The following SLC29A1 variants were observed in gnomAD, a reference collection of about 807,000 sequenced individuals.
SLC29A1 encodes the protein solute carrier family 29 member 1 (Augustine blood group), also known as equilibrative nucleoside transporter 1.
In SLC29A1, 22 loss-of-function variants were observed where a neutral mutation model predicts 48.3. The observed-to-expected ratio is 0.46, with a 90% CI of 0.33 to 0.65. The LOEUF (loss-of-function observed/expected upper bound fraction) is 0.65. Ranked by LOEUF, SLC29A1 falls within the 30% of genes least tolerant of loss-of-function variation. The pLI is 0.03. For synonymous variants in SLC29A1, 228 were observed against 231.0 expected (o/e 0.99, Z 0.12); for missense variants, 491 against 575.3 (o/e 0.85, Z 1.50).
At chr6:44,225,235 G>A (rs1381854126) in intron 1 of SLC29A1, among the ~76,000 whole-genome samples, 1 of 152,122 alleles carries the variant, frequency 6.6e-6, no homozygotes, top group East Asian at 1.9e-4. Flanking sequence ...GCAGGGCTCA[G>A]TGGCTCATGC....
At chr6:44,231,244 G>C in intron 8 of SLC29A1, 120 bp from the exon 9 acceptor site, 4 of 707,112 alleles carry the variant, frequency 5.7e-6, no homozygotes, top group Non-Finnish European at 1.0e-5. Flanking sequence ...GTTAGAGTAC[G>C]GCTGGGACTG....
In SLC29A1 at chr6:44,233,747, G is replaced by A; in HGVS notation, c.*219G>A. 1.7e-6 allele frequency: 1 copy of A among 573,162 alleles called. No individual in the cohort carries two copies. Among genetic ancestry groups the A allele is most frequent in the Non-Finnish European group, 3.1e-6 (1 of 320,356 alleles). The allele number at this position is 573,162 out of a possible 1,614,324, so 35.5% of individuals were successfully genotyped here. On this transcript the variant is annotated 3_prime_UTR_variant, in exon 13 of 13. Coordinates refer to ENST00000371755, the MANE Select transcript of SLC29A1 (RefSeq NM_001372327.1). ...TTGGGGCTCAGAGTCGAGGGACGGGGTGTAGCCTCGGCATTTGCTTGAGTT... is the reference window on the plus strand; with the variant it reads ...TTGGGGCTCAGAGTCGAGGGACGGGATGTAGCCTCGGCATTTGCTTGAGTT...
At chr6:44,227,025 C>G in intron 1 of SLC29A1, 1 of 1,278,624 alleles carries the variant, frequency 7.8e-7, no homozygotes, top group Non-Finnish European at 9.9e-7. Context: ...TGGCAGCGGC[C>G]AGGCCGGGAG....
Position 44,230,329 on chromosome 6 carries a change from C to T in SLC29A1, c.455-18C>T. 6.2e-7 allele frequency: 1 copy of T among 1,606,312 alleles called. No homozygotes were observed. The highest frequency in any genetic ancestry group is 8.5e-7 in the Non-Finnish European group (1 of 1,174,618). ...ACCAGCCCTAGCTCCCCTGCTCATG[C>T]CCGCCCTGTTTCCCCAGCATTTGGT... On this transcript the variant is annotated intron_variant, in intron 5 of 12. Transcript: ENST00000371755.
intron 1 of SLC29A1, chr6:44,226,683 G>T: frequency 2.1e-6 from 2 of 949,834 alleles, no homozygotes; most frequent in Non-Finnish European, 2.5e-6. Context: ...GAATCCAGGG[G>T]CTCCCCAGGG....
rs1031751074 is a variant in SLC29A1, at chr6:44,233,840, A to C, written c.*312A>C. 7 of 393,086 alleles carry C rather than the reference A, an allele frequency of 1.8e-5. No homozygotes were observed. The highest frequency in any genetic ancestry group is 4.0e-5 in the Admixed American group (1 of 24,696). 24.3% of individuals were successfully genotyped at this position (393,086 alleles called of 1,614,324 possible). On this transcript the variant is annotated 3_prime_UTR_variant, in exon 13 of 13. Transcript: ENST00000371755. ...GTGGAGGCTCTTGGGCTTGGAGAAC[A>C]CGTGTGTCTCTGTGTATGTGTCTGT... is the stretch of plus-strand genomic sequence containing the variant.
Position 44,232,731 on chromosome 6 carries a change from C to T in SLC29A1, c.1060-76C>T, listed in dbSNP as rs1413643861. On this transcript the variant is annotated intron_variant, in intron 11 of 12. Coordinates refer to ENST00000371755, the MANE Select transcript of SLC29A1 (RefSeq NM_001372327.1). The surrounding 1 kb of genome is among the most constrained non-coding windows in gnomAD (Gnocchi z 4.7). Reference sequence around the variant, plus strand: ...AGGTTTCAGTTCAGATCCTGAGGGGCCCCAGATGGATCCTTGGGGGCCTGG... The same window carrying T: ...AGGTTTCAGTTCAGATCCTGAGGGGTCCCAGATGGATCCTTGGGGGCCTGG... 1 of 1,438,288 alleles carries T rather than the reference C, an allele frequency of 7.0e-7. No individual in the cohort carries two copies. The highest frequency in any genetic ancestry group is 1.8e-5 in the Admixed American group (1 of 56,166). The allele number at this position is 1,438,288 out of a possible 1,614,324, so 89.1% of individuals were successfully genotyped here.
chr6:44,221,889 G>A (rs897215497), upstream of SLC29A1, among the ~76,000 whole-genome samples: 2 of 152,186 alleles, frequency 1.3e-5, no homozygotes, highest in African/African-American at 2.4e-5. The surrounding 1 kb of genome is among the most constrained non-coding windows in gnomAD (Gnocchi z 4.2). Context: ...AGAGGAACCA[G>A]CCTTTCCCAG....
chr6:44,232,628 T>G lies in SLC29A1; in HGVS notation c.1060-179T>G. The stretch of plus-strand genomic sequence containing the variant: ...ATACACATACCTGCCCAGATCGAGA[T>G]GTAGAATATTTCCAGCACTCCAGAA... On this transcript the variant is annotated intron_variant, in intron 11 of 12. Transcript: ENST00000371755. This position sits in a 1 kb window ranked among gnomAD's most constrained non-coding sequence, Gnocchi z 4.7. 2 of 653,124 alleles carry G rather than the reference T, an allele frequency of 3.1e-6. No homozygotes were observed. Among genetic ancestry groups the G allele is most frequent in the Admixed American group, 5.5e-5 (2 of 36,056 alleles). 40.5% of individuals were successfully genotyped at this position (653,124 alleles called of 1,614,324 possible).
chr6:44,233,969 C>T lies in SLC29A1; in HGVS notation c.*441C>T, dbSNP rs78098903. 4.2e-4 allele frequency: 73 copies of T among 173,816 alleles called. No individual in the cohort carries two copies. In the East Asian group the frequency reaches 0.012, roughly 28 times the overall value. The allele number at this position is 173,816 out of a possible 1,614,324, so 10.8% of individuals were successfully genotyped here. A position where few individuals can be genotyped will look rare whatever the true frequency, so the allele number is the denominator to read the frequency against. On this transcript the variant is annotated 3_prime_UTR_variant, in exon 13 of 13. Coordinates refer to ENST00000371755, the MANE Select transcript of SLC29A1 (RefSeq NM_001372327.1). The stretch of plus-strand genomic sequence containing the variant: ...ACCTGATATACTCCATTCTCCCCTG[C>T]GCCTCCTCCTCTGTGTTCTCTCCAT...
chr6:44,225,994 T>A (rs995409768), intron 1 of SLC29A1: 1 of 533,144 alleles, frequency 1.9e-6, no homozygotes, highest in Non-Finnish European at 2.4e-6. Flanking sequence ...TGGGGCCCCA[T>A]GAAGCCTGAG....
At chr6:44,221,918 C>T (rs1776476588), upstream of SLC29A1, among the ~76,000 whole-genome samples, 2 of 152,208 alleles carry the variant, frequency 1.3e-5, no homozygotes, top group South Asian at 4.1e-4. This position sits in a 1 kb window ranked among gnomAD's most constrained non-coding sequence, Gnocchi z 4.2. Flanking sequence ...GAGACCCTCA[C>T]CACTTCCCTC....
chr6:44,232,530 T>C lies in SLC29A1; in HGVS notation c.1059+102T>C. ...AGTATGGTAGTAAGGGGACCATTTGTTTTAAAGTCGAGGCATAATTTATGT... is the reference window on the plus strand; with the variant it reads ...AGTATGGTAGTAAGGGGACCATTTGCTTTAAAGTCGAGGCATAATTTATGT... On this transcript the variant is annotated intron_variant, in intron 11 of 12. Coordinates refer to ENST00000371755, the MANE Select transcript of SLC29A1 (RefSeq NM_001372327.1). This position sits in a 1 kb window ranked among gnomAD's most constrained non-coding sequence, Gnocchi z 4.7. 1 of 800,716 alleles carries C rather than the reference T, an allele frequency of 1.2e-6. No individual in the cohort carries two copies. Among genetic ancestry groups the C allele is most frequent in the Admixed American group, 2.4e-5 (1 of 41,932 alleles). 49.6% of individuals were successfully genotyped at this position (800,716 alleles called of 1,614,324 possible). A position where few individuals can be genotyped will look rare whatever the true frequency, so the allele number is the denominator to read the frequency against.
chr6:44,221,119 A>G (rs920166499), upstream of SLC29A1, among the ~76,000 whole-genome samples: 1 of 152,126 alleles, frequency 6.6e-6, no homozygotes, highest in African/African-American at 2.4e-5. This position sits in a 1 kb window ranked among gnomAD's most constrained non-coding sequence, Gnocchi z 4.2. Context: ...CCTGGGCTCA[A>G]GTGATCCTCC....
chr6:44,227,229 A>C (rs758727578), intron 1 of SLC29A1, 34 bp from the exon 2 acceptor site: 1 of 1,598,068 alleles, frequency 6.3e-7, no homozygotes, highest in Non-Finnish European at 8.6e-7. Context: ...GGCAGGGCCA[A>C]GACAGGGCCT....
Position 44,231,415 on chromosome 6 carries a change from C to G in SLC29A1, c.818C>G (p.Ser273Cys), listed in dbSNP as rs1250813427. 6.2e-7 allele frequency: 1 copy of G among 1,607,390 alleles called. No homozygotes were observed. Among genetic ancestry groups the G allele is most frequent in the African/African-American group, 1.3e-5 (1 of 74,812 alleles). ...KEESGVSVSNSQPTNESHSIK... is the reference protein window; with the variant it reads ...KEESGVSVSNCQPTNESHSIK... ...GAATCTGGAGTTTCAGTCTCCAACT[C>G]TCAGCCCACCAATGAAAGCCACTCT... The change falls in exon 9 of 13, where the codon TCT becomes TGT. Residue 273 changes from serine to cysteine, a missense_variant. Coordinates refer to ENST00000371755, the MANE Select transcript of SLC29A1 (RefSeq NM_001372327.1).
intron 1 of SLC29A1, chr6:44,226,822 CTT>C (rs773234831): frequency 8.8e-6 from 9 of 1,018,074 alleles, no homozygotes; most frequent in Non-Finnish European, 1.1e-5. Flanking sequence ...CCCCCGACCT[CTT>C]TGCTGTGTCT....
chr6:44,226,999 T>G, intron 1 of SLC29A1: 1 of 1,223,838 alleles, frequency 8.2e-7, no homozygotes, highest in South Asian at 2.1e-5. Flanking sequence ...CTTCGGCTGC[T>G]GGATAAAAAT....
At chr6:44,222,208 C>G (rs1776514057), upstream of SLC29A1, among the ~76,000 whole-genome samples, 1 of 151,440 alleles carries the variant, frequency 6.6e-6, no homozygotes, top group South Asian at 2.1e-4. Flanking sequence ...TGGAAAAATA[C>G]CACCTAAACC....
Sources: allele counts gnomAD v4.1 joint callset (sites outside exome capture counted in the v4.1 genomes callset), GRCh38; gene constraint gnomAD v4.1.1; non-coding constraint Gnocchi (gnomAD v3.1); transcripts MANE v1.5; gene names NCBI Gene and HGNC (gene_info 2026-07-23, HGNC 2026-07-21).